TMEM37: variants seen among roughly 807,000 people sequenced by gnomAD.
The protein encoded by TMEM37 is voltage-dependent calcium channel gamma-like subunit.
In TMEM37, 12 loss-of-function variants were observed where a neutral mutation model predicts 11.0. That is an observed-to-expected ratio of 1.09 (90% CI 0.70 to 1.76). The LOEUF (loss-of-function observed/expected upper bound fraction) is 1.76. Ranked by LOEUF, TMEM37 falls within the 40% of genes most tolerant of loss-of-function variation. The probability of loss-of-function intolerance (pLI) is 0.00; values close to 1 mark genes in which losing one functional copy is unlikely to be tolerated. For missense variants in TMEM37, 203 were observed against 251.2 expected (o/e 0.81, Z 1.30); for synonymous variants, 127 against 110.5 (o/e 1.15, Z -0.94).
At chr2:119,432,021 G>T in intron 1 of TMEM37, 97 bp downstream of exon 1, 1 of 870,484 alleles carries the variant, frequency 1.1e-6, no homozygotes, top group Non-Finnish European at 1.5e-6. Flanking sequence ...CACCGCGAGC[G>T]CCGGCGTCGG....
chr2:119,436,002 C>T (rs115181952), intron 1 of TMEM37, among the ~76,000 whole-genome samples: 3 of 152,052 alleles, frequency 2.0e-5, no homozygotes, highest in South Asian at 2.1e-4. Flanking sequence ...GGTGGGGAGG[C>T]GGAGCGGATT....
In TMEM37 at chr2:119,437,291, C is replaced by T. The variant is rs1161811609; in HGVS notation, c.424C>T (p.Leu142Phe). ...GTCTTTCGTCCTCTCCTCCGGCGGG[C>T]TCCTGGGTTTTGTGATCCTCCTCAG... ...LVSFVLSSGG[L>F]LGFVILLRNQ... Residue 142 changes from leucine (L) to phenylalanine (F), a missense_variant, in exon 2 of 2, where the codon CTC becomes TTC. Transcript: ENST00000306406. The T allele has an allele frequency of 2.5e-6, 4 of 1,614,118 alleles. No homozygotes were observed. The African/African-American group carries it at 4.0e-5, about 16-fold the overall frequency.
At position 119,437,008 on chromosome 2, in the gene TMEM37, T is replaced by C. The variant is rs750611139; in HGVS notation, c.141T>C (p.Asp47=). Residue 47 remains aspartate (D), a synonymous_variant, in exon 2 of 2, where the codon GAT becomes GAC. Transcript: ENST00000306406. Reference sequence around the variant, plus strand: ...TCCTGTCCTCGGTCTCCATTTGTGATGGGCACTGGCTCCTGGCTGAGGACC... The same window carrying C: ...TCCTGTCCTCGGTCTCCATTTGTGACGGGCACTGGCTCCTGGCTGAGGACC... The part of the protein sequence containing the change: ...AVVLSSVSIC[D]GHWLLAEDRL... 32 of 1,614,272 alleles carry C rather than the reference T, an allele frequency of 2.0e-5. No homozygotes were observed. The highest frequency in any genetic ancestry group is 2.5e-5 in the Non-Finnish European group (30 of 1,180,052).
intron 1 of TMEM37, among the ~76,000 whole-genome samples, chr2:119,432,936 C>T (rs1419484634): frequency 6.6e-6 from 1 of 152,232 alleles, no homozygotes; most frequent in East Asian, 1.9e-4. Context: ...CCCCCAAAAC[C>T]GCTTCTATAG....
upstream of TMEM37, among the ~76,000 whole-genome samples, chr2:119,431,538 G>A (rs902228202): frequency 1.3e-5 from 2 of 152,208 alleles, no homozygotes; most frequent in Non-Finnish European, 2.9e-5. Context: ...CCTCGTCGCC[G>A]TCCCAGCCCT....
chr2:119,437,171 G>A lies in TMEM37; in HGVS notation c.304G>A (p.Ala102Thr), dbSNP rs771071832. 5.0e-6 allele frequency: 8 copies of A among 1,614,234 alleles called. No homozygotes were observed. The highest frequency in any genetic ancestry group is 2.2e-5 in the East Asian group (1 of 44,872). ...CGTGGGCGCCTTGGCCGTGGTGGCC[G>A]CCATTTTTGGCCTGGAGTTCCTCAT... ...RSVGALAVVA[A>T]IFGLEFLMVS... Residue 102 changes from alanine to threonine, a missense_variant, in exon 2 of 2, where the codon GCC becomes ACC. Coordinates refer to ENST00000306406, the MANE Select transcript of TMEM37 (RefSeq NM_183240.3).
At chr2:119,433,338 G>A (rs1364212865) in intron 1 of TMEM37, among the ~76,000 whole-genome samples, 2 of 152,228 alleles carry the variant, frequency 1.3e-5, no homozygotes, top group Non-Finnish European at 2.9e-5. Context: ...TGCAGGCAGC[G>A]GTGGGCCAGG....
chr2:119,432,552 C>T (rs1234905153), intron 1 of TMEM37, among the ~76,000 whole-genome samples: 1 of 152,114 alleles, frequency 6.6e-6, no homozygotes, highest in African/African-American at 2.4e-5. Context: ...TTTATGTTGG[C>T]TAAGAACCTA....
In TMEM37 at chr2:119,437,147, G is replaced by A. The variant is rs148211959; in HGVS notation, c.280G>A (p.Val94Met). The change falls in exon 2 of 2, where the codon GTG (valine) becomes ATG (methionine). Residue 94 changes from valine to methionine, a missense_variant. By Grantham distance (21) the Val-to-Met change is conservative. Transcript: ENST00000306406. Reference protein sequence around the residue: ...LAVGMGLVRSVGALAVVAAIF... With the variant: ...LAVGMGLVRSMGALAVVAAIF... ...CGTGGGCATGGGCCTGGTACGCAGC[G>A]TGGGCGCCTTGGCCGTGGTGGCCGC... 813 of 1,614,260 alleles carry A rather than the reference G, an allele frequency of 5.0e-4. 3 individuals carry two copies. The African/African-American group carries it at 8.8e-3, about 18-fold the overall frequency.
At chr2:119,436,642 AAAAG>A (rs1682500703) in intron 1 of TMEM37, among the ~76,000 whole-genome samples, 1 of 152,264 alleles carries the variant, frequency 6.6e-6, no homozygotes, top group Middle Eastern at 3.4e-3. Context: ...TGAAGATCAC[AAAAG>A]AAAGAAAGGT....
chr2:119,431,241 G>A (rs1397921255), upstream of TMEM37, among the ~76,000 whole-genome samples: 3 of 152,196 alleles, frequency 2.0e-5, no homozygotes, highest in Non-Finnish European at 4.4e-5. Context: ...TAGTCCCTGA[G>A]GAGTTCAGGA....
intron 1 of TMEM37, among the ~76,000 whole-genome samples, chr2:119,436,159 G>A (rs1682490742): frequency 6.6e-6 from 1 of 152,200 alleles, no homozygotes; most frequent in Non-Finnish European, 1.5e-5. Flanking sequence ...CCAGGAGACC[G>A]GGGTGGGGGC....
At chr2:119,431,703 A>G (rs1211610237), upstream of TMEM37, among the ~76,000 whole-genome samples, 1 of 152,068 alleles carries the variant, frequency 6.6e-6, no homozygotes, top group Non-Finnish European at 1.5e-5. Context: ...GCCCTCGCTG[A>G]CTCAGCGTAA....
chr2:119,436,877 G>A lies in TMEM37; in HGVS notation c.22-12G>A, dbSNP rs762526994. 3 of 1,605,226 alleles carry A rather than the reference G, an allele frequency of 1.9e-6. No individual in the cohort carries two copies. Among genetic ancestry groups the A allele is most frequent in the Non-Finnish European group, 2.6e-6 (3 of 1,175,670 alleles). ...CTGTGGCTGACAGGGTGCTTCCTACGGTTTTTTCCAGGCCCAGAGGCCTTT... is the reference window on the plus strand; with the variant it reads ...CTGTGGCTGACAGGGTGCTTCCTACAGTTTTTTCCAGGCCCAGAGGCCTTT... On this transcript the variant is annotated splice_polypyrimidine_tract_variant and intron_variant, in intron 1 of 1. Transcript: ENST00000306406.
chr2:119,437,529 T>C lies in TMEM37; in HGVS notation c.*89T>C. ...GACTTTTCCAGCATGTGGCCTCTGG[T>C]GGGGCTGGGTTGGACAAGGGCCTTG... On this transcript the variant is annotated 3_prime_UTR_variant, in exon 2 of 2. Coordinates refer to ENST00000306406, the MANE Select transcript of TMEM37 (RefSeq NM_183240.3). 1 of 1,498,646 alleles carries C rather than the reference T, an allele frequency of 6.7e-7. No homozygotes were observed. Among genetic ancestry groups the C allele is most frequent in the Non-Finnish European group, 8.9e-7 (1 of 1,118,134 alleles). 92.8% of individuals were successfully genotyped at this position (1,498,646 alleles called of 1,614,324 possible). A position where few individuals can be genotyped will look rare whatever the true frequency, so the allele number is the denominator to read the frequency against.
At chr2:119,431,796 C>A, upstream of TMEM37, 1 of 940,472 alleles carries the variant, frequency 1.1e-6, no homozygotes, top group Non-Finnish European at 1.4e-6. Flanking sequence ...CCGCCCCGCC[C>A]GCCTCCAGCA....
At chr2:119,431,010 G>A (rs917327162), upstream of TMEM37, among the ~76,000 whole-genome samples, 1 of 152,144 alleles carries the variant, frequency 6.6e-6, no homozygotes, top group Non-Finnish European at 1.5e-5. Context: ...TTGATGGGGC[G>A]CGCTTGTAAT....
chr2:119,431,784 T>G, upstream of TMEM37: 3 of 706,378 alleles, frequency 4.2e-6, no homozygotes, highest in South Asian at 6.8e-5. Context: ...GAACGCCCCC[T>G]CCCGCCCCGC....
In TMEM37 at chr2:119,436,963, G is replaced by T; in HGVS notation, c.96G>T (p.Thr32=). ...FESFIRTLII[T]CVALAVVLSS... Reference sequence around the variant, plus strand: ...CCTTCATCCGGACCCTCATCATCACGTGTGTGGCCCTGGCTGTGGTCCTGT... The same window carrying T: ...CCTTCATCCGGACCCTCATCATCACTTGTGTGGCCCTGGCTGTGGTCCTGT... The change falls in exon 2 of 2, where the codon ACG becomes ACT. Residue 32 remains threonine (T), a synonymous_variant. Coordinates refer to ENST00000306406, the MANE Select transcript of TMEM37 (RefSeq NM_183240.3). 1 of 1,614,234 alleles carries T rather than the reference G, an allele frequency of 6.2e-7. No individual in the cohort carries two copies. Among genetic ancestry groups the T allele is most frequent in the Non-Finnish European group, 8.5e-7 (1 of 1,180,052 alleles).
Sources: gnomAD v4.1 joint callset for allele counts (sites outside exome capture counted in the v4.1 genomes callset) on GRCh38, gnomAD v4.1.1 for gene constraint, MANE v1.5 for transcripts, NCBI Gene and HGNC (gene_info 2026-07-23, HGNC 2026-07-21) for gene names.